TYW1B: variants seen among roughly 807,000 people sequenced by gnomAD.
The protein encoded by TYW1B is S-adenosyl-L-methionine-dependent tRNA 4-demethylwyosine synthase TYW1B.
TYW1B carries 73 observed loss-of-function variants against 86.9 expected under a neutral mutation model. That is an observed-to-expected ratio of 0.84 (90% confidence interval 0.70 to 1.02). TYW1B has a LOEUF of 1.02. TYW1B is among the 50% of genes least tolerant of loss of function. The pLI, the probability that TYW1B is intolerant of heterozygous loss-of-function variation, is 0.00. For synonymous variants in TYW1B, 248 were observed against 292.8 expected (o/e 0.85, Z 1.56); for missense variants, 637 against 827.4 (o/e 0.77, Z 2.82).
intron 11 of TYW1B, among the ~76,000 whole-genome samples, chr7:72,641,360 A>C (rs1554441450): frequency 1.3e-5 from 2 of 152,196 alleles, no homozygotes; most frequent in African/African-American, 4.8e-5. Flanking sequence ...TAGAAGAGGA[A>C]ACACTTCACA....
chr7:72,797,620 G>A (rs1329214365), intron 6 of TYW1B, among the ~76,000 whole-genome samples: 14 of 152,186 alleles, frequency 9.2e-5, no homozygotes, highest in Admixed American at 2.6e-4. Flanking sequence ...AGGAGGCCAA[G>A]ATGGGAGGAT....
intron 11 of TYW1B, among the ~76,000 whole-genome samples, chr7:72,658,879 C>A (rs1352461384): frequency 6.6e-6 from 1 of 152,094 alleles, no homozygotes; most frequent in African/African-American, 2.4e-5. Context: ...CACCACAACA[C>A]CCAGCTAATT....
intron 10 of TYW1B, among the ~76,000 whole-genome samples, chr7:72,709,844 C>G (rs1299371280): frequency 2.6e-5 from 4 of 152,096 alleles, no homozygotes; most frequent in African/African-American, 4.8e-5. Flanking sequence ...TCCTTTTTGT[C>G]TCCCTCCTCA....
chr7:72,811,310 AAAAG>A (rs1788614162), intron 3 of TYW1B, among the ~76,000 whole-genome samples: 1 of 150,254 alleles, frequency 6.7e-6, no homozygotes, highest in South Asian at 2.1e-4. Context: ...AAGAAAAAAG[AAAAG>A]AAAAAATGCA....
At chr7:72,592,652 T>C (rs1421560114) in intron 13 of TYW1B, among the ~76,000 whole-genome samples, 2 of 152,186 alleles carry the variant, frequency 1.3e-5, no homozygotes, top group African/African-American at 4.8e-5. Context: ...CTACAATAGA[T>C]TCGCTTTGAA....
chr7:72,582,062 C>T (rs1245394038), intron 13 of TYW1B, among the ~76,000 whole-genome samples: 2 of 143,282 alleles, frequency 1.4e-5, no homozygotes, highest in African/African-American at 5.5e-5. Flanking sequence ...AGCCACTGCA[C>T]CTGGCAAAAA....
chr7:72,678,462 G>A (rs1431485506), intron 11 of TYW1B, among the ~76,000 whole-genome samples: 1 of 152,134 alleles, frequency 6.6e-6, no homozygotes, highest in African/African-American at 2.4e-5. Context: ...ATGGAGAAAT[G>A]GGCAAGGTAT....
intron 10 of TYW1B, among the ~76,000 whole-genome samples, chr7:72,707,179 G>A (rs1814634092): frequency 1.3e-5 from 2 of 152,220 alleles, no homozygotes; most frequent in African/African-American, 4.8e-5. Context: ...GACTTGCTTT[G>A]GTCCATGGGA....
intron 13 of TYW1B, among the ~76,000 whole-genome samples, chr7:72,613,995 T>C (rs2129568354): frequency 8.4e-6 from 1 of 119,322 alleles, no homozygotes; most frequent in Admixed American, 1.1e-4. Flanking sequence ...TGTGTGCACA[T>C]GTATGCTGGG....
intron 8 of TYW1B, among the ~76,000 whole-genome samples, chr7:72,736,811 T>G (rs184417836): frequency 5.3e-5 from 8 of 152,326 alleles, no homozygotes. Flanking sequence ...AGTACTTAAT[T>G]TCTTTTTATT....
At chr7:72,615,226 TCTTACA>T (rs1812041006) in intron 13 of TYW1B, among the ~76,000 whole-genome samples, 1 of 152,236 alleles carries the variant, frequency 6.6e-6, no homozygotes, top group Admixed American at 6.5e-5. Context: ...AGAGAAGAAA[TCTTACA>T]GACTGAAGTA....
intron 4 of TYW1B, among the ~76,000 whole-genome samples, chr7:72,809,536 C>A (rs1554477492): frequency 6.6e-6 from 1 of 151,998 alleles, no homozygotes; most frequent in African/African-American, 2.4e-5. Context: ...GCCTATAGTT[C>A]CAGCTACTAG....
At chr7:72,607,393 C>CAAAAAAAAAAAAAAAAAAAAAAAAAA (rs57281644) in intron 13 of TYW1B, among the ~76,000 whole-genome samples, 2 of 76,222 alleles carry the variant, frequency 2.6e-5, no homozygotes, top group African/African-American at 4.9e-5. Flanking sequence ...TTCTGTCTCT[C>CAAAAAAAAAAAAAAAAAAAAAAAAAA]AAAAAAAAAA....
chr7:72,726,060 G>C (rs1376137808), intron 9 of TYW1B, among the ~76,000 whole-genome samples: 1 of 152,120 alleles, frequency 6.6e-6, no homozygotes, highest in Non-Finnish European at 1.5e-5. Flanking sequence ...AATGAGTCTA[G>C]GAAAAGCCAG....
At chr7:72,663,451 T>C (rs1440432058) in intron 11 of TYW1B, among the ~76,000 whole-genome samples, 1 of 151,912 alleles carries the variant, frequency 6.6e-6, no homozygotes, top group Non-Finnish European at 1.5e-5. Flanking sequence ...CTATGTGACC[T>C]AAAACAAATA....
rs540336555 is a variant in TYW1B at position 72,653,372 on chromosome 7, C to T, written c.1507-24375G>A. Among the ~76,000 whole-genome samples, 826 of 152,104 alleles carry T rather than the reference C, an allele frequency of 5.4e-3. 3 individuals carry two copies. The highest frequency in any genetic ancestry group is 8.6e-3 in the Non-Finnish European group (586 of 67,998). ...CTGTAATCCCAGCACTTTGGGAGGC[C>T]GAGGCGGGCGGATCACGAGGTCAGG... On this transcript the variant is annotated intron_variant, in intron 11 of 13. Transcript: ENST00000620995.
At chr7:72,603,234 T>TGATGGACGGACGGATGGATGGATGGATG (rs1554434211) in intron 13 of TYW1B, among the ~76,000 whole-genome samples, 1 of 147,388 alleles carries the variant, frequency 6.8e-6, no homozygotes, top group Non-Finnish European at 1.5e-5. Context: ...CACAGACAGA[T>TGATGGACGGACGGATGGATGGATGGATG]GATGGACGGA....
At chr7:72,715,962 G>A (rs1391807005) in intron 9 of TYW1B, among the ~76,000 whole-genome samples, 15 of 152,010 alleles carry the variant, frequency 9.9e-5, no homozygotes, top group South Asian at 2.1e-4. Flanking sequence ...ATGGAGTTGC[G>A]CTCCATCACC....
chr7:72,619,660 A>C (rs1297422142), intron 12 of TYW1B, among the ~76,000 whole-genome samples: 9 of 151,924 alleles, frequency 5.9e-5, no homozygotes, highest in Non-Finnish European at 1.2e-4. Context: ...AAAAAAAAAA[A>C]AAAAAAGAAA....
Sources: gnomAD v4.1 joint callset for allele counts (sites outside exome capture counted in the v4.1 genomes callset) on GRCh38, gnomAD v4.1.1 for gene constraint, MANE v1.5 for transcripts, NCBI Gene and HGNC (gene_info 2026-07-23, HGNC 2026-07-21) for gene names.